The following CLSTN2 variants were observed in gnomAD, a reference collection of about 807,000 sequenced individuals.
The protein encoded by CLSTN2 is calsyntenin-2.
Under a neutral mutation model 101.2 loss-of-function variants are expected in CLSTN2, and 48 were observed. The ratio of observed to expected loss-of-function variants is 0.47; its 90% CI spans 0.38 to 0.60. CLSTN2 has a LOEUF of 0.60. Among genes scored for constraint, CLSTN2 ranks in the 20% least tolerant of loss-of-function variants. The pLI, the probability that CLSTN2 is intolerant of heterozygous loss-of-function variation, is 0.00. For missense variants in CLSTN2, 1,160 were observed against 1,238.2 expected (o/e 0.94, Z 0.95); for synonymous variants, 481 against 463.6 (o/e 1.04, Z -0.48).
intron 1 of CLSTN2, among the ~76,000 whole-genome samples, chr3:139,936,230 GA>G (rs1440668053): frequency 1.6e-4 from 25 of 152,164 alleles, no homozygotes; most frequent in Non-Finnish European, 3.1e-4. Context: ...GGCGAGCCTG[GA>G]AGCCGGCGAA....
At chr3:140,406,932 A>T (rs567957915) in intron 4 of CLSTN2, among the ~76,000 whole-genome samples, 1 of 152,240 alleles carries the variant, frequency 6.6e-6, no homozygotes, top group Non-Finnish European at 1.5e-5. Context: ...TTGATGAGCC[A>T]TTTTGCTAAC....
intron 6 of CLSTN2, among the ~76,000 whole-genome samples, chr3:140,455,008 C>T (rs1250123493): frequency 6.6e-6 from 1 of 152,238 alleles, no homozygotes; most frequent in Non-Finnish European, 1.5e-5. Context: ...AACTCCTCCA[C>T]CCACCAAGCT....
chr3:139,963,844 G>A (rs1935550913), intron 1 of CLSTN2, among the ~76,000 whole-genome samples: 1 of 152,220 alleles, frequency 6.6e-6, no homozygotes, highest in African/African-American at 2.4e-5. Flanking sequence ...GTCTTGCACA[G>A]CAGAGCCCAG....
At chr3:140,445,673 G>A (rs1342891602) in intron 5 of CLSTN2, among the ~76,000 whole-genome samples, 3 of 152,206 alleles carry the variant, frequency 2.0e-5, no homozygotes, top group Non-Finnish European at 4.4e-5. Flanking sequence ...GGTGGGATCA[G>A]TACCAGAGAA....
At chr3:140,128,324 G>GTTAATTCCA (rs2009468687) in intron 1 of CLSTN2, among the ~76,000 whole-genome samples, 1 of 152,218 alleles carries the variant, frequency 6.6e-6, no homozygotes, top group African/African-American at 2.4e-5. Flanking sequence ...TGACTGCTTT[G>GTTAATTCCA]TAGTTAATTC....
intron 1 of CLSTN2, among the ~76,000 whole-genome samples, chr3:140,049,153 C>T (rs763082386): frequency 2.6e-5 from 4 of 152,200 alleles, no homozygotes; most frequent in Admixed American, 6.5e-5. Flanking sequence ...ATTGAGGATA[C>T]ACTGACCAGC....
intron 11 of CLSTN2, among the ~76,000 whole-genome samples, chr3:140,557,598 G>A (rs566446835): frequency 5.6e-4 from 85 of 152,280 alleles, no homozygotes; most frequent in South Asian, 1.0e-3. Flanking sequence ...GGAGAAAACT[G>A]GGAAGAGGAG....
intron 1 of CLSTN2, among the ~76,000 whole-genome samples, chr3:140,149,394 C>G (rs1257604954): frequency 1.3e-5 from 2 of 152,206 alleles, no homozygotes; most frequent in African/African-American, 2.4e-5. Context: ...AAGCCTTCCT[C>G]TTCACCCATG....
chr3:139,975,722 G>T (rs1296463739), intron 1 of CLSTN2, among the ~76,000 whole-genome samples: 2 of 152,152 alleles, frequency 1.3e-5, no homozygotes, highest in Non-Finnish European at 2.9e-5. Flanking sequence ...GACACATAGT[G>T]GGACGCAGGG....
At chr3:140,226,797 G>C (rs2086324677) in intron 2 of CLSTN2, among the ~76,000 whole-genome samples, 1 of 152,152 alleles carries the variant, frequency 6.6e-6, no homozygotes, top group African/African-American at 2.4e-5. Context: ...AAGTCAACGA[G>C]GAGCAAGTCG....
intron 4 of CLSTN2, among the ~76,000 whole-genome samples, chr3:140,415,391 G>A (rs2088417614): frequency 1.4e-5 from 2 of 147,410 alleles, no homozygotes; most frequent in Admixed American, 1.4e-4. Flanking sequence ...TCAACAAAAT[G>A]CAGAGGCAAC....
rs983501157 is a variant in CLSTN2 at position 140,239,788 on chromosome 3, G to A, written c.232+63715G>A. On this transcript the variant is annotated intron_variant, in intron 2 of 16. Coordinates refer to ENST00000458420, the MANE Select transcript of CLSTN2 (RefSeq NM_022131.3). ...TGACTATAGCCAGGCCAGAGATTGT[G>A]AAATGCCATTGATTATAAAATACAA... Among the ~76,000 whole-genome samples, 4 of 151,876 alleles carry A rather than the reference G, an allele frequency of 2.6e-5. 1 individual carries two copies. The highest frequency in any genetic ancestry group is 4.4e-5 in the Non-Finnish European group (3 of 67,964).
intron 1 of CLSTN2, among the ~76,000 whole-genome samples, chr3:140,019,689 G>A (rs2007269339): frequency 6.6e-6 from 1 of 152,204 alleles, no homozygotes; most frequent in South Asian, 2.1e-4. Context: ...GGTTCTCGGA[G>A]GGTCAGATTG....
At chr3:140,407,199 C>G (rs1275163156) in intron 4 of CLSTN2, among the ~76,000 whole-genome samples, 1 of 152,158 alleles carries the variant, frequency 6.6e-6, no homozygotes. Flanking sequence ...TCTGAGCGAC[C>G]TTTCTGACTC....
chr3:140,135,069 G>T (rs1274563304), intron 1 of CLSTN2, among the ~76,000 whole-genome samples: 3 of 118,288 alleles, frequency 2.5e-5, no homozygotes, highest in South Asian at 3.0e-4. Flanking sequence ...AATAGTCCAG[G>T]GTGATGCCTC....
intron 1 of CLSTN2, among the ~76,000 whole-genome samples, chr3:140,092,603 G>A (rs1459178969): frequency 1.3e-5 from 2 of 152,204 alleles, no homozygotes; most frequent in African/African-American, 4.8e-5. Flanking sequence ...CCGGGCTGGT[G>A]CATGAGCCTT....
At chr3:140,195,091 C>T in intron 2 of CLSTN2, among the ~76,000 whole-genome samples, 1 of 152,160 alleles carries the variant, frequency 6.6e-6, no homozygotes, top group East Asian at 1.9e-4. Flanking sequence ...ATTACAGCCC[C>T]ATGAGTGTGG....
rs146663389 is a variant in CLSTN2 at position 140,000,394 on chromosome 3, G to A, written c.109+64911G>A. 1.8e-3 allele frequency among the ~76,000 whole-genome samples: 272 copies of A among 152,266 alleles called. 2 individuals carry two copies. Among genetic ancestry groups the A allele is most frequent in the African/African-American group, 6.4e-3 (267 of 41,556 alleles). ...TGTGAAATGTGAAGACCAGTGCCTG[G>A]CACATAGTTTGTGCCCATTAAAGAT... On this transcript the variant is annotated intron_variant, in intron 1 of 16. Transcript: ENST00000458420.
chr3:140,531,102 C>T (rs1935247287), intron 8 of CLSTN2, among the ~76,000 whole-genome samples: 1 of 152,122 alleles, frequency 6.6e-6, no homozygotes, highest in Non-Finnish European at 1.5e-5. Flanking sequence ...GAGAGCCCTG[C>T]ACCCAGCCCA....
Sources: gnomAD v4.1 joint callset for allele counts (sites outside exome capture counted in the v4.1 genomes callset) on GRCh38, gnomAD v4.1.1 for gene constraint, MANE v1.5 for transcripts, NCBI Gene and HGNC (gene_info 2026-07-23, HGNC 2026-07-21) for gene names.